Variants in CLOCK observed in about 807,000 individuals in gnomAD.
The protein encoded by CLOCK is circadian locomoter output cycles protein kaput.
In CLOCK, 43 loss-of-function variants were observed where a neutral mutation model predicts 118.4. The ratio of observed to expected loss-of-function variants is 0.36; its 90% CI spans 0.28 to 0.47. CLOCK has a LOEUF of 0.47. CLOCK is among the 20% of genes least tolerant of loss of function. The pLI, the probability that CLOCK is intolerant of heterozygous loss-of-function variation, is 1.00. For missense variants in CLOCK, 846 were observed against 999.9 expected, an observed-to-expected ratio of 0.85 and a Z score of 2.08; for synonymous variants, 326 against 339.2, an observed-to-expected ratio of 0.96 and a Z score of 0.43.
chr4:55,456,329 T>C, intron 11 of CLOCK, 29 bp from the exon 12 acceptor site: 1 of 1,361,370 alleles, frequency 7.3e-7, no homozygotes, highest in Non-Finnish European at 1.0e-6. Context: ...AATTTATAAA[T>C]ACTTTGTGTC....
chr4:55,448,601 C>CGCGCGCGCGT (rs764071880), intron 18 of CLOCK, among the ~76,000 whole-genome samples, 178 bp downstream of exon 18: 1 of 116,980 alleles, frequency 8.5e-6, no homozygotes, highest in African/African-American at 3.1e-5. Flanking sequence ...CGCACGCGCG[C>CGCGCGCGCGT]GTGTGTGTGT....
chr4:55,494,627 G>A (rs1727934760), intron 2 of CLOCK, among the ~76,000 whole-genome samples: 1 of 152,126 alleles, frequency 6.6e-6, no homozygotes, highest in African/African-American at 2.4e-5. Flanking sequence ...CAGTGCTCAG[G>A]TGATGGGTGC....
chr4:55,521,991 A>C (rs1358734628), intron 1 of CLOCK, among the ~76,000 whole-genome samples: 1 of 152,200 alleles, frequency 6.6e-6, no homozygotes, highest in Non-Finnish European at 1.5e-5. Context: ...ATAGAGTCAT[A>C]TGTATATTAA....
chr4:55,452,938 C>T (rs2412647), intron 15 of CLOCK, 116 bp downstream of exon 15: 508,902 of 747,116 alleles, frequency 0.68, 174,738 homozygotes, highest in South Asian at 0.81. Flanking sequence ...ATCACATCCC[C>T]GTTATAAGTG....
At chr4:55,537,543 G>C (rs1244607032) in intron 1 of CLOCK, among the ~76,000 whole-genome samples, 2 of 152,094 alleles carry the variant, frequency 1.3e-5, no homozygotes, top group African/African-American at 4.8e-5. Flanking sequence ...TCTTGAGCCT[G>C]AGACGTCGAC....
At chr4:55,476,986 G>A (rs983266108) in intron 6 of CLOCK, among the ~76,000 whole-genome samples, 1 of 152,106 alleles carries the variant, frequency 6.6e-6, no homozygotes, top group African/African-American at 2.4e-5. Flanking sequence ...AGAAATGCCT[G>A]TAGTGGAATA....
chr4:55,527,184 A>G (rs1361914270), intron 1 of CLOCK, among the ~76,000 whole-genome samples: 1 of 152,172 alleles, frequency 6.6e-6, no homozygotes, highest in East Asian at 1.9e-4. Flanking sequence ...ATTTAGAAAT[A>G]TACTTTAAAA....
intron 13 of CLOCK, 53 bp downstream of exon 13, chr4:55,455,844 G>T (rs1383970101): frequency 2.6e-6 from 3 of 1,165,750 alleles, no homozygotes; most frequent in Non-Finnish European, 3.9e-6. Flanking sequence ...TTCAGGACAG[G>T]ACTTCTGCTT....
rs894565557 is a variant in CLOCK, at chr4:55,433,327, C to G, written c.*2088G>C. 2.0e-5 allele frequency: 3 copies of G among 152,598 alleles called. No individual in the cohort carries two copies. Among genetic ancestry groups the G allele is most frequent in the Admixed American group, 6.5e-5 (1 of 15,268 alleles). The allele number at this position is 152,598 out of a possible 1,614,324, so 9.5% of individuals were successfully genotyped here. On this transcript the variant is annotated 3_prime_UTR_variant, in exon 23 of 23. Coordinates refer to ENST00000513440, the MANE Select transcript of CLOCK (RefSeq NM_004898.4). Reference sequence around the variant, plus strand: ...TACTGATTGATATCTAGTCACACTTCTTTTGTAGAAGGGTAAGTACCAATT... The same window carrying G: ...TACTGATTGATATCTAGTCACACTTGTTTTGTAGAAGGGTAAGTACCAATT...
At chr4:55,447,448 A>G (rs1723959234) in intron 18 of CLOCK, among the ~76,000 whole-genome samples, 1 of 152,252 alleles carries the variant, frequency 6.6e-6, no homozygotes, top group Non-Finnish European at 1.5e-5. Context: ...GACAAGCATT[A>G]TATTGATAGC....
intron 1 of CLOCK, among the ~76,000 whole-genome samples, chr4:55,541,300 C>G (rs903735910): frequency 6.6e-6 from 1 of 152,196 alleles, no homozygotes; most frequent in Non-Finnish European, 1.5e-5. Context: ...TTATATTGCT[C>G]TGACACTTGA....
chr4:55,519,983 A>G (rs1419097134), intron 1 of CLOCK, among the ~76,000 whole-genome samples: 2 of 152,070 alleles, frequency 1.3e-5, no homozygotes, highest in African/African-American at 2.4e-5. Flanking sequence ...CTCTTTCCCT[A>G]TTAGGGCCCT....
rs908050941 is a variant in CLOCK at position 55,483,601 on chromosome 4, T to C, written c.-43-773A>G. ...CAGGCTGGAGGACAGAAACAGATAA[T>C]AGGTGAAAGAATTTTAAGCGACAGG... On this transcript the variant is annotated intron_variant, in intron 3 of 22. Transcript: ENST00000513440. Among the ~76,000 whole-genome samples, 8 of 152,086 alleles carry C rather than the reference T, an allele frequency of 5.3e-5. No individual in the cohort carries two copies. The East Asian group carries it at 5.8e-4, about 11-fold the overall frequency.
At chr4:55,526,902 A>C (rs778794596) in intron 1 of CLOCK, among the ~76,000 whole-genome samples, 91 of 145,592 alleles carry the variant, frequency 6.3e-4, no homozygotes, top group Non-Finnish European at 1.2e-3. Context: ...AGCCGAGATC[A>C]CACCACTGCA....
At chr4:55,467,102 A>T (rs1475632492) in intron 8 of CLOCK, among the ~76,000 whole-genome samples, 4 of 152,188 alleles carry the variant, frequency 2.6e-5, no homozygotes, top group Non-Finnish European at 1.5e-5. Flanking sequence ...TTCTAAAATT[A>T]AAAATATTTT....
intron 6 of CLOCK, 99 bp from the exon 7 acceptor site, chr4:55,476,153 A>C: frequency 1.3e-6 from 1 of 797,506 alleles, no homozygotes; most frequent in Non-Finnish European, 2.2e-6. Flanking sequence ...ATTAAAGATG[A>C]CAACCGTAGG....
At chr4:55,498,083 A>G (rs200636570) in intron 2 of CLOCK, among the ~76,000 whole-genome samples, 1 of 86,928 alleles carries the variant, frequency 1.2e-5, no homozygotes, top group Non-Finnish European at 2.8e-5. Context: ...TGACAATGCT[A>G]GGTTTAGAGC....
At chr4:55,516,331 T>C (rs13131001) in intron 1 of CLOCK, among the ~76,000 whole-genome samples, 12 of 152,240 alleles carry the variant, frequency 7.9e-5, no homozygotes, top group African/African-American at 2.7e-4. Context: ...GATTAATCTG[T>C]TTCTCCTTGC....
At chr4:55,464,182 A>G (rs751330981) in intron 8 of CLOCK, among the ~76,000 whole-genome samples, 3 of 152,230 alleles carry the variant, frequency 2.0e-5, no homozygotes, top group Non-Finnish European at 2.9e-5. Context: ...AGGACTATGC[A>G]CAAGCTAAAT....
Sources: allele counts gnomAD v4.1 joint callset (sites outside exome capture counted in the v4.1 genomes callset), GRCh38; gene constraint gnomAD v4.1.1; transcripts MANE v1.5; gene names NCBI Gene and HGNC (gene_info 2026-07-23, HGNC 2026-07-21).